CCR5AS: variants seen among roughly 807,000 people sequenced by gnomAD.
The protein encoded by CCR5AS is CCR5 antisense RNA.
At chr3:46,387,670 C>T (rs973773975) in intron 2 of CCR5AS, among the ~76,000 whole-genome samples, 5 of 152,120 alleles carry the variant, frequency 3.3e-5, no homozygotes, top group Non-Finnish European at 5.9e-5. Context: ...ATTTCTTGAG[C>T]CCTGAAGGTG....
intron 1 of CCR5AS, among the ~76,000 whole-genome samples, chr3:46,400,665 T>C (rs1701998944): frequency 6.6e-6 from 1 of 150,736 alleles, no homozygotes; most frequent in Non-Finnish European, 1.5e-5. Context: ...GAGCTGAGAC[T>C]TGGGCACCAG....
At chr3:46,375,570 G>A (rs745351514) in intron 2 of CCR5AS, 6 of 166,574 alleles carry the variant, frequency 3.6e-5, no homozygotes, top group Non-Finnish European at 8.8e-5. Context: ...GGCAAAGGGG[G>A]GAAGGGACAT....
At chr3:46,367,233 T>A (rs772836360) in intron 3 of CCR5AS, among the ~76,000 whole-genome samples, 1 of 152,124 alleles carries the variant, frequency 6.6e-6, no homozygotes, top group African/African-American at 2.4e-5. Context: ...GGTAGTTACA[T>A]GCATGTGTGC....
intron 1 of CCR5AS, among the ~76,000 whole-genome samples, chr3:46,405,732 T>C (rs1702038634): frequency 6.6e-6 from 1 of 152,194 alleles, no homozygotes. Flanking sequence ...AACATCATTG[T>C]GTTTCTCTTT....
At chr3:46,379,001 CTT>C (rs775443220) in intron 2 of CCR5AS, among the ~76,000 whole-genome samples, 8,546 of 125,402 alleles carry the variant, frequency 0.068, 782 homozygotes, top group African/African-American at 0.22. Flanking sequence ...TGGTAAATTT[CTT>C]TTTTTTTTTT....
chr3:46,394,929 C>T (rs142502197), intron 1 of CCR5AS, among the ~76,000 whole-genome samples: 1 of 152,166 alleles, frequency 6.6e-6, no homozygotes, highest in Non-Finnish European at 1.5e-5. Flanking sequence ...AGAGGAGTTT[C>T]AAGATAGGGA....
chr3:46,366,786 G>T (rs142416556), intron 3 of CCR5AS, among the ~76,000 whole-genome samples: 5 of 152,302 alleles, frequency 3.3e-5, no homozygotes, highest in African/African-American at 1.2e-4. Flanking sequence ...TGAGGCACAT[G>T]GGTAACAAAG....
exon 4 of CCR5AS, chr3:46,364,876 C>A (rs2213290): frequency 6.6e-6 from 1 of 152,008 alleles, no homozygotes; most frequent in Non-Finnish European, 1.5e-5. Flanking sequence ...TGGAGGAAGT[C>A]GCTGTAGATG....
At chr3:46,388,991 G>A (rs1701885012) in intron 2 of CCR5AS, among the ~76,000 whole-genome samples, 1 of 152,170 alleles carries the variant, frequency 6.6e-6, no homozygotes, top group Non-Finnish European at 1.5e-5. Context: ...TAAACTGGCA[G>A]TGTAAACAGG....
At chr3:46,391,255 T>C (rs1701911183) in intron 2 of CCR5AS, among the ~76,000 whole-genome samples, 1 of 152,154 alleles carries the variant, frequency 6.6e-6, no homozygotes, top group Non-Finnish European at 1.5e-5. Flanking sequence ...TTTAGGTGTT[T>C]TGAAGTTCTT....
At chr3:46,398,981 G>A (rs1009424793) in intron 1 of CCR5AS, among the ~76,000 whole-genome samples, 1 of 152,198 alleles carries the variant, frequency 6.6e-6, no homozygotes, top group Non-Finnish European at 1.5e-5. Context: ...GCCAGCAGAT[G>A]TTATAGTTTT....
intron 3 of CCR5AS, among the ~76,000 whole-genome samples, chr3:46,366,821 C>T (rs1412490204): frequency 6.6e-6 from 1 of 152,160 alleles, no homozygotes; most frequent in African/African-American, 2.4e-5. Flanking sequence ...GGGGTAGATT[C>T]TTCCTATTTC....
chr3:46,398,429 C>G (rs1701979339), intron 1 of CCR5AS, among the ~76,000 whole-genome samples: 1 of 152,164 alleles, frequency 6.6e-6, no homozygotes, highest in Admixed American at 6.5e-5. Context: ...CCTCTGTATA[C>G]CTCTAAGAAG....
chr3:46,365,579 G>T (rs903846049), intron 3 of CCR5AS, among the ~76,000 whole-genome samples: 2 of 152,148 alleles, frequency 1.3e-5, no homozygotes, highest in African/African-American at 2.4e-5. Flanking sequence ...ACCAAGGTGT[G>T]CCTGAACCTC....
chr3:46,367,066 G>C (rs908564433), intron 3 of CCR5AS, among the ~76,000 whole-genome samples: 1 of 152,088 alleles, frequency 6.6e-6, no homozygotes, highest in Non-Finnish European at 1.5e-5. Flanking sequence ...AATGAATGAA[G>C]CCAGACAGGA....
chr3:46,373,317 G>A, intron 2 of CCR5AS: 1 of 1,614,156 alleles, frequency 6.2e-7, no homozygotes, highest in Non-Finnish European at 8.5e-7. Flanking sequence ...TGCTTTAAAA[G>A]CCAGGACGGT....
chr3:46,367,694 C>T (rs1159210208), intron 3 of CCR5AS, among the ~76,000 whole-genome samples: 1 of 152,156 alleles, frequency 6.6e-6, no homozygotes, highest in East Asian at 1.9e-4. Flanking sequence ...CTTCAGCCTC[C>T]TGAGTAGCTG....
intron 2 of CCR5AS, among the ~76,000 whole-genome samples, chr3:46,385,388 G>T (rs1458394723): frequency 6.6e-6 from 1 of 152,180 alleles, no homozygotes; most frequent in Non-Finnish European, 1.5e-5. Flanking sequence ...TAATCCAGGG[G>T]TCAATAAGAA....
chr3:46,401,665 G>C (rs1360282287), intron 1 of CCR5AS, among the ~76,000 whole-genome samples: 1 of 152,202 alleles, frequency 6.6e-6, no homozygotes, highest in Non-Finnish European at 1.5e-5. Flanking sequence ...ATGGGTCTCA[G>C]AGTGCAGCAG....
Sources: allele counts gnomAD v4.1 joint callset (sites outside exome capture counted in the v4.1 genomes callset), GRCh38; gene constraint gnomAD v4.1.1; transcripts MANE v1.5; gene names NCBI Gene and HGNC (gene_info 2026-07-23, HGNC 2026-07-21).